The following RFC1 variants were observed in gnomAD, a reference collection of about 807,000 sequenced individuals.
The protein encoded by RFC1 is A1 140 kDa subunit.
In RFC1, 37 loss-of-function variants were observed where a neutral mutation model predicts 137.4. The ratio of observed to expected loss-of-function variants is 0.27; its 90% CI spans 0.21 to 0.35. The LOEUF (loss-of-function observed/expected upper bound fraction) is 0.35. Among genes scored for constraint, RFC1 ranks in the 10% least tolerant of loss-of-function variants. The pLI, the probability that RFC1 is intolerant of heterozygous loss-of-function variation, is 1.00. For synonymous variants in RFC1, 429 were observed against 455.7 expected, an observed-to-expected ratio of 0.94 and a Z score of 0.75; for missense variants, 1,205 against 1,358.5, an observed-to-expected ratio of 0.89 and a Z score of 1.78.
intron 11 of RFC1, among the ~76,000 whole-genome samples, chr4:39,312,099 G>T (rs890297133): frequency 3.9e-5 from 6 of 152,152 alleles, no homozygotes; most frequent in Non-Finnish European, 7.3e-5. Flanking sequence ...GAAAACTCTC[G>T]TCAGGCCAGT....
rs538030958 is a variant in RFC1 at position 39,318,547 on chromosome 4, G to A, written c.1096-1525C>T. On this transcript the variant is annotated intron_variant, in intron 9 of 24. Coordinates refer to ENST00000349703, the MANE Select transcript of RFC1 (RefSeq NM_002913.5). The stretch of plus-strand genomic sequence containing the variant: ...ATGTATTAAATAGACTTTATTTGAC[G>A]TTTCCAACCAAAACTGCTTAAGTAA... 4.6e-5 allele frequency among the ~76,000 whole-genome samples: 7 copies of A among 152,276 alleles called. No individual in the cohort carries two copies. In the South Asian group the frequency reaches 6.2e-4, roughly 14 times the overall value.
chr4:39,304,395 C>T (rs1348269078), intron 15 of RFC1, among the ~76,000 whole-genome samples: 1 of 152,152 alleles, frequency 6.6e-6, no homozygotes, highest in Non-Finnish European at 1.5e-5. Context: ...AACTCAATGC[C>T]CCAAGCATAA....
At chr4:39,335,585 G>A (rs1202053317) in intron 4 of RFC1, among the ~76,000 whole-genome samples, 1 of 152,150 alleles carries the variant, frequency 6.6e-6, no homozygotes, top group Non-Finnish European at 1.5e-5. Context: ...GAAATGTGAT[G>A]TTATCCACCA....
At chr4:39,334,458 AGT>A (rs1251496378) in intron 4 of RFC1, among the ~76,000 whole-genome samples, 3 of 152,194 alleles carry the variant, frequency 2.0e-5, no homozygotes, top group Admixed American at 6.5e-5. Context: ...TCCAACAGAC[AGT>A]GACTTAACAG....
intron 12 of RFC1, among the ~76,000 whole-genome samples, chr4:39,309,671 T>C (rs905051460): frequency 5.9e-5 from 9 of 152,154 alleles, no homozygotes; most frequent in African/African-American, 2.2e-4. Context: ...ACGGGGTGGA[T>C]AGAATGAGTG....
chr4:39,355,642 T>C (rs1467657472), intron 1 of RFC1, among the ~76,000 whole-genome samples: 2 of 152,230 alleles, frequency 1.3e-5, no homozygotes, highest in Non-Finnish European at 2.9e-5. Context: ...AGACTGATAA[T>C]GCCCATATCT....
intron 5 of RFC1, 24 bp from the exon 6 acceptor site, chr4:39,326,664 A>G: frequency 6.3e-7 from 1 of 1,591,840 alleles, no homozygotes; most frequent in Non-Finnish European, 8.6e-7. Context: ...AAAATCAAGC[A>G]AAATCAGCAT....
chr4:39,347,053 T>C (rs1044479261), intron 2 of RFC1, among the ~76,000 whole-genome samples: 2 of 152,208 alleles, frequency 1.3e-5, no homozygotes, highest in African/African-American at 2.4e-5. Flanking sequence ...TCCTACACTG[T>C]ATCGTTCACA....
chr4:39,316,359 C>A (rs1739240475), intron 10 of RFC1, among the ~76,000 whole-genome samples: 1 of 152,194 alleles, frequency 6.6e-6, no homozygotes, highest in Admixed American at 6.5e-5. Context: ...CATAATTTTT[C>A]TTTCAGTTCC....
chr4:39,336,085 C>T (rs910588087), intron 4 of RFC1, among the ~76,000 whole-genome samples: 1 of 152,098 alleles, frequency 6.6e-6, no homozygotes, highest in Non-Finnish European at 1.5e-5. Context: ...TTTCAAATCT[C>T]CTTCCTCTCC....
At position 39,356,313 on chromosome 4, in the gene RFC1, G is replaced by A. The variant is rs1056254516; in HGVS notation, c.4-4837C>T. ...ACTCAGGAGGCTGAGGCAGGAGAAC[G>A]GCTTGAGCCCGGGAAGTGGAGGGTG... On this transcript the variant is annotated intron_variant, in intron 1 of 24. Coordinates refer to ENST00000349703, the MANE Select transcript of RFC1 (RefSeq NM_002913.5). Among the ~76,000 whole-genome samples the A allele has an allele frequency of 2.6e-5, 4 of 151,334 alleles. No individual in the cohort carries two copies. In the East Asian group the frequency reaches 7.9e-4, roughly 30 times the overall value.
intron 10 of RFC1, among the ~76,000 whole-genome samples, chr4:39,313,845 A>T (rs1344478189): frequency 2.0e-5 from 3 of 152,184 alleles, no homozygotes; most frequent in Non-Finnish European, 4.4e-5. Flanking sequence ...AGATCGTATT[A>T]TCTCTGGATT....
chr4:39,349,737 G>C (rs2109753103), intron 2 of RFC1, among the ~76,000 whole-genome samples: 1 of 152,312 alleles, frequency 6.6e-6, no homozygotes, highest in East Asian at 1.9e-4. Context: ...GGGCACGGTG[G>C]CTCACACCTG....
chr4:39,308,992 T>C lies in RFC1; in HGVS notation c.1529A>G (p.Asn510Ser), dbSNP rs759788745. ...ESKLERTPQKNVQGKRKISPS... is the reference protein window; with the variant it reads ...ESKLERTPQKSVQGKRKISPS... ...ACTAATTTTTCTTTTTCCTTGGACA[T>C]TTTTTTGGGGTGTTCTCTCCAGTTT... The change falls in exon 13 of 25, where the codon AAT becomes AGT. Residue 510 changes from asparagine (N) to serine (S), a missense_variant. Physicochemically the swap from Asn to Ser is conservative, Grantham distance 46 (BLOSUM62 1). This residue lies in a region of RFC1 where 962 missense variants were observed against 1,035.3 expected (regional missense o/e 0.93). Transcript: ENST00000349703. The C allele has an allele frequency of 3.1e-6, 5 of 1,610,998 alleles. No individual in the cohort carries two copies. Among genetic ancestry groups the C allele is most frequent in the Middle Eastern group, 1.7e-4 (1 of 6,048 alleles).
At chr4:39,296,497 G>A (rs1578104932) in intron 21 of RFC1, among the ~76,000 whole-genome samples, 1 of 125,862 alleles carries the variant, frequency 7.9e-6, no homozygotes, top group Admixed American at 8.5e-5. Flanking sequence ...GTGAGAATAT[G>A]TGGTGTTTGG....
intron 4 of RFC1, among the ~76,000 whole-genome samples, chr4:39,329,606 T>C (rs1578143777): frequency 6.7e-6 from 1 of 149,308 alleles, no homozygotes; most frequent in East Asian, 2.0e-4. Context: ...GGCATGGTGG[T>C]GCAGGCCTGT....
intron 4 of RFC1, among the ~76,000 whole-genome samples, chr4:39,338,321 A>G (rs574514300): frequency 2.4e-4 from 37 of 152,326 alleles, no homozygotes; most frequent in Admixed American, 1.4e-3. Context: ...TCTGTATAAC[A>G]ATAATCTAAA....
At chr4:39,294,245 A>G (rs1737852287) in intron 22 of RFC1, among the ~76,000 whole-genome samples, 1 of 152,254 alleles carries the variant, frequency 6.6e-6, no homozygotes, top group Non-Finnish European at 1.5e-5. Context: ...ATAGAATTTT[A>G]CAGGAACAGA....
intron 4 of RFC1, among the ~76,000 whole-genome samples, chr4:39,334,002 C>T (rs1290523387): frequency 6.6e-6 from 1 of 151,982 alleles, no homozygotes; most frequent in African/African-American, 2.4e-5. Context: ...GCTCTCTAGG[C>T]CCCTAGGAAG....
Sources: gnomAD v4.1 joint callset for allele counts (sites outside exome capture counted in the v4.1 genomes callset) on GRCh38, gnomAD v4.1.1 for gene constraint, gnomAD v4.1.1 regional missense constraint, MANE v1.5 for transcripts, NCBI Gene and HGNC (gene_info 2026-07-23, HGNC 2026-07-21) for gene names.